CELF4: variants seen among roughly 807,000 people sequenced by gnomAD.
CELF4 encodes CUGBP Elav-like family member 4, also known as CUG-BP- and ETR-3-like factor 4.
Under a neutral mutation model 59.9 loss-of-function variants are expected in CELF4, and 18 were observed. That is an observed-to-expected ratio of 0.30 (90% CI 0.21 to 0.45). The LOEUF (loss-of-function observed/expected upper bound fraction) is 0.45. Ranked by LOEUF, CELF4 falls within the 20% of genes least tolerant of loss-of-function variation. The pLI, the probability that CELF4 is intolerant of heterozygous loss-of-function variation, is 1.00. For missense variants in CELF4, 456 were observed against 689.0 expected (o/e 0.66, Z 3.79); for synonymous variants, 261 against 267.1 (o/e 0.98, Z 0.22).
At chr18:37,429,617 T>G (rs946079796) in intron 2 of CELF4, among the ~76,000 whole-genome samples, 4 of 152,194 alleles carry the variant, frequency 2.6e-5, no homozygotes, top group African/African-American at 9.7e-5. Context: ...AGGGACTGCT[T>G]CTTCCCTGGG....
intron 1 of CELF4, among the ~76,000 whole-genome samples, chr18:37,545,078 TG>T (rs754136365): frequency 6.6e-6 from 1 of 152,044 alleles, no homozygotes; most frequent in Non-Finnish European, 1.5e-5. Flanking sequence ...CTGATACATG[TG>T]TTCTGGGAGA....
In CELF4 at chr18:37,266,679, A is replaced by C. The variant is rs372227320; in HGVS notation, c.1100-81T>G. The C allele has an allele frequency of 5.2e-5, 63 of 1,208,822 alleles. No homozygotes were observed. In the East Asian group the frequency reaches 8.4e-4, roughly 16 times the overall value. The allele number at this position is 1,208,822 out of a possible 1,614,324, so 74.9% of individuals were successfully genotyped here. A position where few individuals can be genotyped will look rare whatever the true frequency, so the allele number is the denominator to read the frequency against. On this transcript the variant is annotated intron_variant, in intron 8 of 12. Coordinates refer to ENST00000420428, the MANE Select transcript of CELF4 (RefSeq NM_020180.4). ...CTCATGCCCATGGGGACAATGATGT[A>C]GCTGTACTGCCTTTTCTGGCTACTG... is the stretch of plus-strand genomic sequence containing the variant.
intron 2 of CELF4, among the ~76,000 whole-genome samples, chr18:37,346,506 G>A (rs1468941380): frequency 6.6e-6 from 1 of 152,218 alleles, no homozygotes; most frequent in Non-Finnish European, 1.5e-5. Flanking sequence ...TACCAGATAT[G>A]GATGGACCAC....
chr18:37,318,519 TA>T lies in CELF4; in HGVS notation c.448+3283del, dbSNP rs796952144. Among the ~76,000 whole-genome samples the T allele has an allele frequency of 2.7e-3, 405 of 148,392 alleles. 1 individual carries two copies. Among genetic ancestry groups the T allele is most frequent in the African/African-American group, 8.0e-3 (325 of 40,412 alleles). ...AAATTATTTTAAACTAACTTTCTTTTAAAAAAAAAACCACACAGCTTGGTGA... is the reference window on the plus strand; with the variant it reads ...AAATTATTTTAAACTAACTTTCTTTTAAAAAAAAACCACACAGCTTGGTGA... On this transcript the variant is annotated intron_variant, in intron 3 of 12. Transcript: ENST00000420428.
chr18:37,485,901 A>T, intron 1 of CELF4: 1 of 236,724 alleles, frequency 4.2e-6, no homozygotes, highest in African/African-American at 2.7e-5. Flanking sequence ...CTTACCCCGT[A>T]CCCTGGTGCC....
rs117155350 is a variant in CELF4 at position 37,513,485 on chromosome 18, C to G, written c.287-27878G>C. Among the ~76,000 whole-genome samples the G allele has an allele frequency of 4.5e-4, 68 of 152,284 alleles. No individual in the cohort carries two copies. In the East Asian group the frequency reaches 0.012, roughly 26 times the overall value. On this transcript the variant is annotated intron_variant, in intron 1 of 12. Coordinates refer to ENST00000420428, the MANE Select transcript of CELF4 (RefSeq NM_020180.4). ...CAATATGGGTTTCCTCTGGTCTGAG[C>G]TTTACTTTCCAAAGAGAAAGGCATG...
Position 37,254,698 on chromosome 18 carries a change from C to T in CELF4, c.1334-760G>A, listed in dbSNP as rs1042387024. Among the ~76,000 whole-genome samples, 1 of 152,268 alleles carries T rather than the reference C, an allele frequency of 6.6e-6. No individual in the cohort carries two copies. Among genetic ancestry groups the T allele is most frequent in the Non-Finnish European group, 1.5e-5 (1 of 68,048 alleles). On this transcript the variant is annotated intron_variant, in intron 11 of 12. Transcript: ENST00000420428. The surrounding 1 kb of genome is among the most constrained non-coding windows in gnomAD (Gnocchi z 5.1). ...AAGACCATCAGTGCAAATCAGGCCA[C>T]AGCCCTCCGTGCAGAAGCGCTTCCC... is the stretch of plus-strand genomic sequence containing the variant.
chr18:37,503,604 G>A (rs148653048), intron 1 of CELF4, among the ~76,000 whole-genome samples: 17 of 152,328 alleles, frequency 1.1e-4, no homozygotes, highest in Middle Eastern at 3.4e-3. Flanking sequence ...AGACTCATGC[G>A]TGGAGGACAA....
chr18:37,266,587 T>C lies in CELF4; in HGVS notation c.1111A>G (p.Thr371Ala). The change falls in exon 9 of 13, where the codon ACC becomes GCC. Residue 371 changes from threonine (T) to alanine (A), a missense_variant. Coordinates refer to ENST00000420428, the MANE Select transcript of CELF4 (RefSeq NM_020180.4). Reference sequence around the variant, plus strand: ...GCCTGCTGCAGGGGGTCCGCGGCGGTGGGGCTCTGTGCTGTAGGGAGCCAA... The same window carrying C: ...GCCTGCTGCAGGGGGTCCGCGGCGGCGGGGCTCTGTGCTGTAGGGAGCCAA... The part of the protein sequence containing the change: ...GIHPYPAQSP[T>A]AADPLQQAYA... The C allele has an allele frequency of 6.3e-7, 1 of 1,590,542 alleles. No individual in the cohort carries two copies.
At chr18:37,450,697 C>G (rs1373062562) in intron 2 of CELF4, among the ~76,000 whole-genome samples, 1 of 152,060 alleles carries the variant, frequency 6.6e-6, no homozygotes, top group African/African-American at 2.4e-5. Context: ...TACGGGGCAC[C>G]CGCCTCACCT....
At chr18:37,267,525 G>A (rs1389526281) in intron 8 of CELF4, among the ~76,000 whole-genome samples, 1 of 152,184 alleles carries the variant, frequency 6.6e-6, no homozygotes, top group Non-Finnish European at 1.5e-5. Context: ...GTAGAGGCAG[G>A]GACTGCCCAG....
chr18:37,437,107 G>A (rs907444941), intron 2 of CELF4, among the ~76,000 whole-genome samples: 8 of 152,134 alleles, frequency 5.3e-5, no homozygotes, highest in Non-Finnish European at 7.4e-5. Context: ...GCATAGCTGG[G>A]GGCCAGGCTC....
intron 2 of CELF4, among the ~76,000 whole-genome samples, chr18:37,358,699 C>T (rs760875455): frequency 9.2e-5 from 14 of 152,240 alleles, no homozygotes; most frequent in Non-Finnish European, 1.9e-4. Context: ...TGCATGAAAG[C>T]GCGTAGGCTG....
In CELF4 at chr18:37,501,243, C is replaced by A. The variant is rs185601081; in HGVS notation, c.287-15636G>T. 1.1e-4 allele frequency among the ~76,000 whole-genome samples: 17 copies of A among 152,344 alleles called. No homozygotes were observed. The East Asian group carries it at 3.3e-3, about 29-fold the overall frequency. Reference sequence around the variant, plus strand: ...TAGGGTCCTTCTGTCAGGTCCCTGGCCTAGCCACCTTATCTATAAAATCTC... The same window carrying A: ...TAGGGTCCTTCTGTCAGGTCCCTGGACTAGCCACCTTATCTATAAAATCTC... On this transcript the variant is annotated intron_variant, in intron 1 of 12. Transcript: ENST00000420428.
At chr18:37,521,488 T>C (rs1417074641) in intron 1 of CELF4, among the ~76,000 whole-genome samples, 1 of 152,198 alleles carries the variant, frequency 6.6e-6, no homozygotes, top group Admixed American at 6.5e-5. Context: ...TGCGGTCTTA[T>C]AATCTAAAAT....
intron 1 of CELF4, among the ~76,000 whole-genome samples, chr18:37,555,184 T>A (rs1039630842): frequency 6.6e-6 from 1 of 152,184 alleles, no homozygotes; most frequent in Non-Finnish European, 1.5e-5. Flanking sequence ...GAGAGAGACC[T>A]CTTCACACAG....
At chr18:37,276,092 C>T (rs1457471013) in intron 3 of CELF4, 1 of 152,226 alleles carries the variant, frequency 6.6e-6, no homozygotes, top group Admixed American at 6.5e-5. Context: ...TCTGGCTCTT[C>T]CTATTTCTTC....
At chr18:37,383,206 C>A (rs1014401583) in intron 2 of CELF4, among the ~76,000 whole-genome samples, 3 of 152,114 alleles carry the variant, frequency 2.0e-5, no homozygotes, top group Non-Finnish European at 2.9e-5. Context: ...ATCATACAGG[C>A]CAGGAGGCGC....
At chr18:37,427,045 G>C (rs892296554) in intron 2 of CELF4, among the ~76,000 whole-genome samples, 2 of 151,920 alleles carry the variant, frequency 1.3e-5, no homozygotes, top group African/African-American at 4.8e-5. Flanking sequence ...CACGGGGGGG[G>C]GGGAAGCTGG....
Sources: allele counts gnomAD v4.1 joint callset (sites outside exome capture counted in the v4.1 genomes callset), GRCh38; gene constraint gnomAD v4.1.1; non-coding constraint Gnocchi (gnomAD v3.1); transcripts MANE v1.5; gene names NCBI Gene and HGNC (gene_info 2026-07-23, HGNC 2026-07-21).